The following CNBD1 variants were observed in gnomAD, a reference collection of about 807,000 sequenced individuals.
The protein encoded by CNBD1 is cyclic nucleotide binding domain containing 1, also known as cyclic nucleotide-binding domain-containing protein 1.
A neutral mutation model predicts 54.4 loss-of-function variants in CNBD1; 71 were observed. The ratio of observed to expected loss-of-function variants is 1.30; its 90% CI spans 1.08 to 1.59. CNBD1 has a LOEUF of 1.59. CNBD1 is among the 40% of genes most tolerant of loss of function. The pLI is 0.00. For missense variants in CNBD1, 659 were observed against 518.0 expected, an observed-to-expected ratio of 1.27 and a Z score of -2.64; for synonymous variants, 182 against 170.7, an observed-to-expected ratio of 1.07 and a Z score of -0.51.
intron 4 of CNBD1, among the ~76,000 whole-genome samples, chr8:87,145,211 A>AATT (rs1400464055): frequency 5.3e-5 from 8 of 152,314 alleles, no homozygotes; most frequent in African/African-American, 7.2e-5. Flanking sequence ...AATACACATC[A>AATT]ATTACAACAG....
At position 87,331,412 on chromosome 8, in the gene CNBD1, A is replaced by G. The variant is rs540140323; in HGVS notation, c.1043-20273A>G. Among the ~76,000 whole-genome samples, 57 of 152,322 alleles carry G rather than the reference A, an allele frequency of 3.7e-4. No homozygotes were observed. The South Asian group carries it at 0.011, about 30-fold the overall frequency. On this transcript the variant is annotated intron_variant, in intron 8 of 10. Coordinates refer to ENST00000518476, the MANE Select transcript of CNBD1 (RefSeq NM_173538.3). ...TGATCTCATTCCTTTCTGTAGCTGC[A>G]TAGTATTCCATGGTGTATACATACC...
At chr8:87,383,495 G>T (rs1208378438), downstream of CNBD1, among the ~76,000 whole-genome samples, 1 of 152,094 alleles carries the variant, frequency 6.6e-6, no homozygotes. Flanking sequence ...CCACATGGAG[G>T]AAATATAGAG....
chr8:87,034,028 G>A (rs1809854229), intron 4 of CNBD1, among the ~76,000 whole-genome samples: 1 of 152,144 alleles, frequency 6.6e-6, no homozygotes, highest in Non-Finnish European at 1.5e-5. Context: ...GATATAAAAA[G>A]GTATTTCATA....
chr8:87,219,165 A>G (rs1049047319), intron 5 of CNBD1, among the ~76,000 whole-genome samples: 2 of 152,058 alleles, frequency 1.3e-5, no homozygotes, highest in Non-Finnish European at 2.9e-5. Flanking sequence ...GTCATTTGAT[A>G]ACTGTCTTAA....
chr8:87,312,606 T>A (rs1299390550), intron 8 of CNBD1, among the ~76,000 whole-genome samples: 1 of 152,074 alleles, frequency 6.6e-6, no homozygotes, highest in Non-Finnish European at 1.5e-5. Context: ...CTATTTTAAC[T>A]TTTTTGCACT....
At chr8:87,357,862 G>A (rs1810451391) in intron 10 of CNBD1, among the ~76,000 whole-genome samples, 1 of 152,082 alleles carries the variant, frequency 6.6e-6, no homozygotes, top group Non-Finnish European at 1.5e-5. Flanking sequence ...TTAGAGGTGG[G>A]GACTGGTGAG....
In CNBD1 at chr8:87,046,151, T is replaced by C. The variant is rs1294986829; in HGVS notation, c.431+106397T>C. Among the ~76,000 whole-genome samples, 3 of 151,978 alleles carry C rather than the reference T, an allele frequency of 2.0e-5. No individual in the cohort carries two copies. In the East Asian group the frequency reaches 5.8e-4, roughly 29 times the overall value. On this transcript the variant is annotated intron_variant, in intron 4 of 10. Transcript: ENST00000518476. ...ATTACCACTGCGGCTAGAGAGTTTA[T>C]GGATTGTTGTTGTGCCTCTTTGGCT...
At chr8:86,965,879 A>T (rs1488602671) in intron 4 of CNBD1, among the ~76,000 whole-genome samples, 1 of 152,082 alleles carries the variant, frequency 6.6e-6, no homozygotes, top group East Asian at 1.9e-4. Flanking sequence ...AACAGAGAGG[A>T]GGCCCTGGAG....
intron 4 of CNBD1, among the ~76,000 whole-genome samples, chr8:87,003,149 AC>A (rs1254649041): frequency 6.6e-6 from 1 of 152,166 alleles, no homozygotes; most frequent in Non-Finnish European, 1.5e-5. Flanking sequence ...GATCTGAAAA[AC>A]AATATTAAAA....
intron 8 of CNBD1, among the ~76,000 whole-genome samples, chr8:87,323,622 A>C (rs1026846269): frequency 1.5e-5 from 2 of 131,132 alleles, no homozygotes; most frequent in African/African-American, 5.7e-5. Context: ...CTGGTGTATA[A>C]GAATGCTTGT....
chr8:86,894,434 G>A (rs903665578), intron 2 of CNBD1, among the ~76,000 whole-genome samples: 1 of 152,132 alleles, frequency 6.6e-6, no homozygotes, highest in African/African-American at 2.4e-5. Context: ...TACATACCTT[G>A]ACCCCTCCTT....
At chr8:86,881,784 A>T (rs1808609708) in intron 1 of CNBD1, among the ~76,000 whole-genome samples, 1 of 152,204 alleles carries the variant, frequency 6.6e-6, no homozygotes, top group African/African-American at 2.4e-5. Context: ...GGGCTACAGT[A>T]ACCAAAACAG....
At position 87,158,995 on chromosome 8, in the gene CNBD1, G is replaced by A. The variant is rs143577736; in HGVS notation, c.432-46998G>A. ...ATCTGTTTTTATACAATTTGAGGAA[G>A]GCTTATGGAATCCATTATTTATTTC... On this transcript the variant is annotated intron_variant, in intron 4 of 10. Transcript: ENST00000518476. 8.4e-3 allele frequency among the ~76,000 whole-genome samples: 1,285 copies of A among 152,182 alleles called. 21 individuals carry two copies. Among genetic ancestry groups the A allele is most frequent in the African/African-American group, 0.026 (1,085 of 41,530 alleles).
intron 4 of CNBD1, among the ~76,000 whole-genome samples, chr8:87,074,807 C>G (rs148379114): frequency 6.6e-6 from 1 of 152,188 alleles, no homozygotes; most frequent in African/African-American, 2.4e-5. Flanking sequence ...GTTGAAGGCA[C>G]TGAATTCACT....
chr8:87,427,110 G>T (rs1808063874), intron 2 of CNBD1, among the ~76,000 whole-genome samples: 1 of 152,042 alleles, frequency 6.6e-6, no homozygotes, highest in African/African-American at 2.4e-5. Context: ...GGACCTCGCA[G>T]TTCCCCCTGT....
chr8:87,078,920 T>G (rs2130662204), intron 4 of CNBD1, among the ~76,000 whole-genome samples: 1 of 152,314 alleles, frequency 6.6e-6, no homozygotes, highest in South Asian at 2.1e-4. Context: ...TACAATTATT[T>G]CATCCAATTA....
In CNBD1 at chr8:87,317,448, A is replaced by C. The variant is rs80003538; in HGVS notation, c.1042+30777A>C. Among the ~76,000 whole-genome samples the C allele has an allele frequency of 3.3e-5, 5 of 151,756 alleles. No homozygotes were observed. In the East Asian group the frequency reaches 9.7e-4, roughly 29 times the overall value. On this transcript the variant is annotated intron_variant, in intron 8 of 10. Coordinates refer to ENST00000518476, the MANE Select transcript of CNBD1 (RefSeq NM_173538.3). ...TTCTCCTTGGCCCATGGTTTACTTG[A>C]AAATATCAATTTTCAAGTAAATTTT...
chr8:87,229,631 T>G (rs1814621284), intron 5 of CNBD1, among the ~76,000 whole-genome samples: 1 of 152,164 alleles, frequency 6.6e-6, no homozygotes, highest in Non-Finnish European at 1.5e-5. Flanking sequence ...TTCAGCCAAA[T>G]TTTATACTTT....
At chr8:87,077,764 T>G (rs937493038) in intron 4 of CNBD1, among the ~76,000 whole-genome samples, 16 of 152,110 alleles carry the variant, frequency 1.1e-4, no homozygotes, top group African/African-American at 3.9e-4. Context: ...TTTTTATGGC[T>G]GCATAGTATT....
Sources: gnomAD v4.1 joint callset for allele counts (sites outside exome capture counted in the v4.1 genomes callset) on GRCh38, gnomAD v4.1.1 for gene constraint, MANE v1.5 for transcripts, NCBI Gene and HGNC (gene_info 2026-07-23, HGNC 2026-07-21) for gene names.